Variants in RANBP1 observed in about 807,000 individuals in gnomAD.
The protein encoded by RANBP1 is ran-specific GTPase-activating protein.
Under a neutral mutation model 31.4 loss-of-function variants are expected in RANBP1, and 16 were observed. The ratio of observed to expected loss-of-function variants is 0.51; its 90% confidence interval spans 0.34 to 0.77. RANBP1 has a LOEUF of 0.77. Ranked by LOEUF, RANBP1 falls within the 30% of genes least tolerant of loss-of-function variation. The pLI is 0.01. For missense variants in RANBP1, 265 were observed against 362.0 expected, an observed-to-expected ratio of 0.73 and a Z score of 2.17; for synonymous variants, 129 against 140.5, an observed-to-expected ratio of 0.92 and a Z score of 0.58.
chr22:20,125,216 C>T lies in RANBP1; in HGVS notation c.542-92C>T, dbSNP rs950799891. 1.3e-5 allele frequency: 19 copies of T among 1,469,982 alleles called. No individual in the cohort carries two copies. The African/African-American group carries it at 1.8e-4, about 14-fold the overall frequency. 91.1% of individuals were successfully genotyped at this position (1,469,982 alleles called of 1,614,324 possible). A position where few individuals can be genotyped will look rare whatever the true frequency, so the allele number is the denominator to read the frequency against. On this transcript the variant is annotated intron_variant, in intron 3 of 5. Coordinates refer to ENST00000430524, the MANE Select transcript of RANBP1 (RefSeq NM_001278639.2). ...CCCGTGTTGTCTGAAGCAGACCCCT[C>T]AGGTTGGTGAGCAGGGTGCTCTGTG...
intron 1 of RANBP1, chr22:20,116,881 A>G: frequency 1.3e-6 from 2 of 1,593,346 alleles, no homozygotes; most frequent in Non-Finnish European, 8.5e-7. Flanking sequence ...CCCGCACTCT[A>G]CCTCGTTGTC....
intron 3 of RANBP1, chr22:20,122,723 CTGTGTGTGTGTG>C (rs544097533): frequency 3.9e-4 from 360 of 929,104 alleles, no homozygotes; most frequent in East Asian, 1.8e-3. Flanking sequence ...CGAGGGGGTG[CTGTGTGTGTGTG>C]TGTGTGTGTG....
chr22:20,120,248 C>G lies in RANBP1; in HGVS notation c.383+1099C>G, dbSNP rs904588813. On this transcript the variant is annotated intron_variant, in intron 2 of 5. Transcript: ENST00000430524. ...CCTGGGAAAGGAGAGCTGTGTGTCA[C>G]CCTTTGGTCACAGAGGGTGATGGAC... Among the ~76,000 whole-genome samples the G allele has an allele frequency of 2.6e-5, 4 of 152,178 alleles. No homozygotes were observed. In the East Asian group the frequency reaches 5.8e-4, roughly 22 times the overall value.
rs748637590 is a variant in RANBP1, at chr22:20,116,400, G to C, written c.216G>C (p.Thr72=). The C allele has an allele frequency of 6.2e-7, 1 of 1,611,866 alleles. No homozygotes were observed. The highest frequency in any genetic ancestry group is 1.7e-5 in the Admixed American group (1 of 60,026). The change falls in exon 1 of 6, where the codon ACG becomes ACC. Residue 72 remains threonine (T), a synonymous_variant. Transcript: ENST00000430524. The part of the protein sequence containing the change: ...RTSLKLAWRG[T]FCSSSLKISE... ...CGCTGAAGCTGGCGTGGCGAGGCAC[G>C]TTCTGCAGCTCCAGTTTAAAGATCT...
intron 1 of RANBP1, 127 bp downstream of exon 1, chr22:20,116,557 G>A (rs752083147): frequency 1.1e-5 from 18 of 1,582,894 alleles, no homozygotes; most frequent in Admixed American, 3.6e-5. Flanking sequence ...CGAGACGGTA[G>A]GGCAGCTCAG....
At chr22:20,118,415 T>C in intron 1 of RANBP1, 1 of 910,864 alleles carries the variant, frequency 1.1e-6, no homozygotes, top group Non-Finnish European at 1.3e-6. Flanking sequence ...ACAATTTATC[T>C]AGTTATTAAC....
At chr22:20,126,453 T>A (rs753671398) in intron 5 of RANBP1, 85 bp downstream of exon 5, 18 of 1,608,924 alleles carry the variant, frequency 1.1e-5, no homozygotes, top group Non-Finnish European at 1.5e-5. Flanking sequence ...TTTTTCTGTC[T>A]GCCAGATAAA....
chr22:20,123,433 G>A (rs1178519334), intron 3 of RANBP1, among the ~76,000 whole-genome samples: 1 of 70,868 alleles, frequency 1.4e-5, no homozygotes, highest in Non-Finnish European at 3.3e-5. Context: ...TGTGGTGTTG[G>A]GGGGGGTGTG....
At chr22:20,126,825 A>G in intron 5 of RANBP1, 127 bp from the exon 6 acceptor site, 1 of 1,380,756 alleles carries the variant, frequency 7.2e-7, no homozygotes, top group Admixed American at 2.1e-5. Flanking sequence ...TTGGCCAGGC[A>G]GGAGTCTGTC....
intron 4 of RANBP1, among the ~76,000 whole-genome samples, chr22:20,126,028 G>A (rs1212647152): frequency 3.3e-5 from 5 of 152,236 alleles, no homozygotes; most frequent in East Asian, 1.9e-4. Flanking sequence ...GGCTGCCCCA[G>A]CAGCCTTTCC....
At chr22:20,116,573 T>A (rs781614381) in intron 1 of RANBP1, 143 bp downstream of exon 1, 2 of 1,572,944 alleles carry the variant, frequency 1.3e-6, no homozygotes, top group Non-Finnish European at 1.7e-6. Flanking sequence ...CTCAGGGCAC[T>A]GCTGCTCTCC....
Position 20,117,292 on chromosome 22 carries a change from C to G in RANBP1, c.246+862C>G, listed in dbSNP as rs2050057557. 4.8e-6 allele frequency: 4 copies of G among 840,622 alleles called. No individual in the cohort carries two copies. In the South Asian group the frequency reaches 1.4e-4, roughly 29 times the overall value. The allele number at this position is 840,622 out of a possible 1,614,324, so 52.1% of individuals were successfully genotyped here. ...CAACCCCCAACCACTTTAGCCAGCT[C>G]TAGAGGCGCGCGTGGCCGGGACGGA... On this transcript the variant is annotated intron_variant, in intron 1 of 5. Transcript: ENST00000430524.
chr22:20,126,388 T>TG lies in RANBP1; in HGVS notation c.736+26dup, dbSNP rs766147406. The TG allele has an allele frequency of 2.5e-6, 4 of 1,613,864 alleles. No homozygotes were observed. Among genetic ancestry groups the TG allele is most frequent in the Non-Finnish European group, 8.5e-7 (1 of 1,179,970 alleles). The stretch of plus-strand genomic sequence containing the variant: ...AGAAAGGTGACGTGGTGCCATGGGT[T>TG]GGGGGGCTTCTTTGCAGACTCACTC... On this transcript the variant is annotated intron_variant, in intron 5 of 5. Coordinates refer to ENST00000430524, the MANE Select transcript of RANBP1 (RefSeq NM_001278639.2).
intron 3 of RANBP1, chr22:20,122,639 G>A (rs1375595723): frequency 6.0e-6 from 9 of 1,511,974 alleles, no homozygotes; most frequent in Non-Finnish European, 7.1e-6. Flanking sequence ...GGGGTGTGGA[G>A]TCAGCCAGAC....
chr22:20,120,008 A>G (rs1421156947), intron 2 of RANBP1, among the ~76,000 whole-genome samples: 5 of 152,184 alleles, frequency 3.3e-5, no homozygotes, highest in Admixed American at 6.5e-5. Context: ...CCTGTCGCCT[A>G]CACTCAGGAT....
chr22:20,126,554 C>G (rs1414089822), intron 5 of RANBP1, 186 bp downstream of exon 5: 1 of 1,563,220 alleles, frequency 6.4e-7, no homozygotes, highest in South Asian at 1.2e-5. Flanking sequence ...GAGCACTTGT[C>G]AGTGTTGCTG....
At chr22:20,119,484 ACTT>A (rs2050128415) in intron 2 of RANBP1, 1 of 274,006 alleles carries the variant, frequency 3.6e-6, no homozygotes, top group Non-Finnish European at 7.0e-6. Flanking sequence ...TGCAGCATAG[ACTT>A]CTTTGGCATC....
rs147429452 is a variant in RANBP1, at chr22:20,126,286, C to T, written c.671-17C>T. The T allele has an allele frequency of 2.6e-3, 4,215 of 1,609,266 alleles. 80 individuals are homozygous for T. The African/African-American group carries it at 0.05, about 19-fold the overall frequency. On this transcript the variant is annotated splice_polypyrimidine_tract_variant and intron_variant, in intron 4 of 5. Coordinates refer to ENST00000430524, the MANE Select transcript of RANBP1 (RefSeq NM_001278639.2). ...CTGCTCACAGCTCTTAGGAAGTCTT[C>T]GCTCTCCCTTCCACAGATGCACAGA...
At chr22:20,125,861 A>G (rs1304383923) in intron 4 of RANBP1, among the ~76,000 whole-genome samples, 1 of 152,248 alleles carries the variant, frequency 6.6e-6, no homozygotes, top group East Asian at 1.9e-4. Context: ...AGAGAGATCC[A>G]CAGGCCCAGG....
Sources: allele counts gnomAD v4.1 joint callset (sites outside exome capture counted in the v4.1 genomes callset), GRCh38; gene constraint gnomAD v4.1.1; transcripts MANE v1.5; gene names NCBI Gene and HGNC (gene_info 2026-07-23, HGNC 2026-07-21).